ACVR1C: variants seen among roughly 807,000 people sequenced by gnomAD.
The protein encoded by ACVR1C is activin receptor type-1C.
In ACVR1C, 23 loss-of-function variants were observed where a neutral mutation model predicts 57.9. The ratio of observed to expected loss-of-function variants is 0.40; its 90% CI spans 0.29 to 0.56. The LOEUF is 0.56. Among genes scored for constraint, ACVR1C ranks in the 20% least tolerant of loss-of-function variants. The pLI, the probability that ACVR1C is intolerant of heterozygous loss-of-function variation, is 0.50. For missense variants in ACVR1C, 480 were observed against 607.9 expected (o/e 0.79, Z 2.21); for synonymous variants, 214 against 215.3 (o/e 0.99, Z 0.05).
rs977160845 is a variant in ACVR1C, at chr2:157,574,806, T to C, written c.304+12381A>G. On this transcript the variant is annotated intron_variant, in intron 2 of 8. Transcript: ENST00000243349. The stretch of plus-strand genomic sequence containing the variant: ...GTCCAATAGTAGCAGGATGGCTTCA[T>C]AAAGTTTTCAGTCAGGCCCCTGTCA... Among the ~76,000 whole-genome samples, 4 of 152,194 alleles carry C rather than the reference T, an allele frequency of 2.6e-5. No individual in the cohort carries two copies. In the East Asian group the frequency reaches 7.7e-4, roughly 29 times the overall value.
chr2:157,578,521 T>G (rs1688715535), intron 2 of ACVR1C, among the ~76,000 whole-genome samples: 1 of 152,160 alleles, frequency 6.6e-6, no homozygotes. Flanking sequence ...TAGTCACATA[T>G]TCTCATTTTC....
At chr2:157,549,679 T>C (rs1478109995) in intron 4 of ACVR1C, among the ~76,000 whole-genome samples, 1 of 152,012 alleles carries the variant, frequency 6.6e-6, no homozygotes, top group South Asian at 2.1e-4. Context: ...GACTTTCATA[T>C]AGACTTTCTT....
intron 1 of ACVR1C, among the ~76,000 whole-genome samples, chr2:157,599,543 A>G (rs1312897397): frequency 6.6e-6 from 1 of 152,000 alleles, no homozygotes; most frequent in African/African-American, 2.4e-5. Flanking sequence ...TCAGTACTGG[A>G]GCACAAATCT....
rs183203329 is a variant in ACVR1C at position 157,591,543 on chromosome 2, C to T, written c.74-4126G>A. On this transcript the variant is annotated intron_variant, in intron 1 of 8. Coordinates refer to ENST00000243349, the MANE Select transcript of ACVR1C (RefSeq NM_145259.3). Reference sequence around the variant, plus strand: ...AACTCATTTAATGTTAAGAAACTTGCTGCACTATGGTTATTCTTCACTTGC... The same window carrying T: ...AACTCATTTAATGTTAAGAAACTTGTTGCACTATGGTTATTCTTCACTTGC... Among the ~76,000 whole-genome samples the T allele has an allele frequency of 4.5e-4, 69 of 152,114 alleles. 1 individual carries two copies. Among genetic ancestry groups the T allele is most frequent in the South Asian group, 1.0e-3 (5 of 4,828 alleles).
Position 157,625,771 on chromosome 2 carries a change from A to G in ACVR1C, c.73+2801T>C, listed in dbSNP as rs564555385. Among the ~76,000 whole-genome samples, 6 of 152,340 alleles carry G rather than the reference A, an allele frequency of 3.9e-5. No homozygotes were observed. The South Asian group carries it at 1.2e-3, about 32-fold the overall frequency. On this transcript the variant is annotated intron_variant, in intron 1 of 8. Transcript: ENST00000243349. ...GAGGACAAAGGAGTTTCAAGAAATT[A>G]GAAGAGAATGCACAATATGTAAATC...
intron 2 of ACVR1C, among the ~76,000 whole-genome samples, chr2:157,586,333 T>C (rs558119980): frequency 1.3e-5 from 2 of 152,248 alleles, no homozygotes; most frequent in East Asian, 3.9e-4. Flanking sequence ...TATACTGATA[T>C]GATGACATAT....
Position 157,556,292 on chromosome 2 carries a change from G to A in ACVR1C, c.345C>T (p.Ala115=), listed in dbSNP as rs774765227. 5 of 1,614,086 alleles carry A rather than the reference G, an allele frequency of 3.1e-6. No homozygotes were observed. The highest frequency in any genetic ancestry group is 2.2e-5 in the East Asian group (1 of 44,874). Residue 115 remains alanine (A), a synonymous_variant, in exon 3 of 9, where the codon GCC becomes GCT. Transcript: ENST00000243349. ...GGCAAACAGGCACAGTAATAATGAT[G>A]GCCAGCTCCATGGGTCCAAGTTTTG... ...NAPKLGPMEL[A]IIITVPVCLL...
intron 4 of ACVR1C, among the ~76,000 whole-genome samples, chr2:157,546,190 G>C (rs1056173875): frequency 6.6e-6 from 1 of 152,184 alleles, no homozygotes; most frequent in African/African-American, 2.4e-5. Flanking sequence ...AATCCAACCA[G>C]TAGGCAGTTC....
rs1223983952 is a variant in ACVR1C at position 157,528,777 on chromosome 2, A to G, written c.*5141T>C. ...ATGTTAGCTAAAAGCTAGAATACAAATAACAGCTAGTCTTTTTAGGTTTTA... is the reference window on the plus strand; with the variant it reads ...ATGTTAGCTAAAAGCTAGAATACAAGTAACAGCTAGTCTTTTTAGGTTTTA... On this transcript the variant is annotated 3_prime_UTR_variant, in exon 9 of 9. Transcript: ENST00000243349. 6.6e-6 allele frequency: 1 copy of G among 152,222 alleles called. No individual in the cohort carries two copies. Among genetic ancestry groups the G allele is most frequent in the African/African-American group, 2.4e-5 (1 of 41,464 alleles). 9.4% of individuals were successfully genotyped at this position (152,222 alleles called of 1,614,324 possible). A position where few individuals can be genotyped will look rare whatever the true frequency, so the allele number is the denominator to read the frequency against.
intron 1 of ACVR1C, among the ~76,000 whole-genome samples, chr2:157,610,834 T>C (rs1682515463): frequency 6.6e-6 from 1 of 152,128 alleles, no homozygotes; most frequent in African/African-American, 2.4e-5. Flanking sequence ...TTGTTGAAGC[T>C]TTCAAATGTA....
chr2:157,600,372 A>T (rs2105139166), intron 1 of ACVR1C, among the ~76,000 whole-genome samples: 1 of 152,338 alleles, frequency 6.6e-6, no homozygotes, highest in Non-Finnish European at 1.5e-5. Flanking sequence ...ACGACAAAAA[A>T]CATTAAGTTC....
intron 1 of ACVR1C, chr2:157,597,336 C>G: frequency 1.0e-6 from 1 of 985,760 alleles, no homozygotes; most frequent in South Asian, 4.7e-5. Context: ...GCACCCCGGC[C>G]CGCCCCCGGG....
At chr2:157,535,759 G>A (rs1469406251) in intron 8 of ACVR1C, among the ~76,000 whole-genome samples, 1 of 152,084 alleles carries the variant, frequency 6.6e-6, no homozygotes, top group African/African-American at 2.4e-5. Flanking sequence ...CTCCAGCCTG[G>A]GCAACAAAGC....
intron 6 of ACVR1C, 115 bp from the exon 7 acceptor site, chr2:157,541,329 T>C: frequency 2.0e-6 from 2 of 1,024,082 alleles, no homozygotes; most frequent in South Asian, 2.0e-5. Context: ...TGAAGCACTA[T>C]AATAGAATAA....
Position 157,533,932 on chromosome 2 carries a change from C to A in ACVR1C, c.1468G>T (p.Asp490Tyr). Residue 490 changes from aspartate (D) to tyrosine (Y), a missense_variant, in exon 9 of 9, where the codon GAC becomes TAC. By Grantham distance (160) the Asp-to-Tyr change is radical. Transcript: ENST00000243349. ...KTISQLCVKE[D>Y]CKA ...AATTATCATCATTAGGCTTTGCAGTCTTCTTTGACACAAAGTTGAGATATA... is the reference window on the plus strand; with the variant it reads ...AATTATCATCATTAGGCTTTGCAGTATTCTTTGACACAAAGTTGAGATATA... 1 of 1,579,764 alleles carries A rather than the reference C, an allele frequency of 6.3e-7. No individual in the cohort carries two copies. Among genetic ancestry groups the A allele is most frequent in the South Asian group, 1.2e-5 (1 of 84,744 alleles).
rs562788057 is a variant in ACVR1C, at chr2:157,603,502, T to C, written c.74-16085A>G. ...TTCTCCATAAGCAAGCTTAATTCTA[T>C]AGTAAAGCAAGAAAAGGAGCCCAAG... On this transcript the variant is annotated intron_variant, in intron 1 of 8. Coordinates refer to ENST00000243349, the MANE Select transcript of ACVR1C (RefSeq NM_145259.3). Among the ~76,000 whole-genome samples, 28 of 152,246 alleles carry C rather than the reference T, an allele frequency of 1.8e-4. No homozygotes were observed. The East Asian group carries it at 5.2e-3, about 28-fold the overall frequency.
rs1051321806 is a variant in ACVR1C, at chr2:157,531,067, G to A, written c.*2851C>T. 1 of 147,448 alleles carries A rather than the reference G, an allele frequency of 6.8e-6. No homozygotes were observed. Among genetic ancestry groups the A allele is most frequent in the African/African-American group, 2.5e-5 (1 of 39,366 alleles). 9.1% of individuals were successfully genotyped at this position (147,448 alleles called of 1,614,324 possible). On this transcript the variant is annotated 3_prime_UTR_variant, in exon 9 of 9. Transcript: ENST00000243349. The stretch of plus-strand genomic sequence containing the variant: ...TGATACTCTGAACATAACCTAAGGA[G>A]AATTTTTTTTTTTTTTGCTTATAAC...
chr2:157,620,455 T>C (rs1682746185), intron 1 of ACVR1C, among the ~76,000 whole-genome samples: 1 of 152,118 alleles, frequency 6.6e-6, no homozygotes, highest in Non-Finnish European at 1.5e-5. Context: ...CGGATAAAGT[T>C]GTGAGATGTG....
intron 2 of ACVR1C, among the ~76,000 whole-genome samples, chr2:157,565,051 G>T (rs1317680718): frequency 6.6e-6 from 1 of 151,978 alleles, no homozygotes; most frequent in East Asian, 1.9e-4. Context: ...GTGCAGCAAA[G>T]CACCATGGCA....
Sources: gnomAD v4.1 joint callset for allele counts (sites outside exome capture counted in the v4.1 genomes callset) on GRCh38, gnomAD v4.1.1 for gene constraint, MANE v1.5 for transcripts, NCBI Gene and HGNC (gene_info 2026-07-23, HGNC 2026-07-21) for gene names.